Variants in PITRM1 observed in about 807,000 individuals in gnomAD.
PITRM1 encodes the protein presequence protease, mitochondrial.
In PITRM1, 100 loss-of-function variants were observed where a neutral mutation model predicts 129.9. The observed-to-expected ratio is 0.77, with a 90% CI of 0.65 to 0.91. The LOEUF is 0.91. Among genes scored for constraint, PITRM1 ranks in the 40% least tolerant of loss-of-function variants. The pLI is 0.00. For missense variants in PITRM1, 1,471 were observed against 1,318.3 expected (o/e 1.12, Z -1.79); for synonymous variants, 591 against 508.8 (o/e 1.16, Z -2.17).
At chr10:3,144,243 G>T in intron 22 of PITRM1, 49 bp downstream of exon 22, 1 of 1,022,462 alleles carries the variant, frequency 9.8e-7, no homozygotes. Context: ...ACACAGCCAT[G>T]CAGGGAAGCA....
chr10:3,171,846 C>T (rs562118971), intron 1 of PITRM1, among the ~76,000 whole-genome samples: 1 of 152,300 alleles, frequency 6.6e-6, no homozygotes, highest in African/African-American at 2.4e-5. Flanking sequence ...AGAGCAAGAT[C>T]CCTGCTCTTA....
chr10:3,152,945 T>TA (rs1841648242), intron 14 of PITRM1, among the ~76,000 whole-genome samples: 1 of 152,258 alleles, frequency 6.6e-6, no homozygotes, highest in African/African-American at 2.4e-5. Flanking sequence ...GTGGAGGCTT[T>TA]ACCCCTTCAC....
chr10:3,141,690 C>G (rs905293246), intron 23 of PITRM1: 1 of 470,264 alleles, frequency 2.1e-6, no homozygotes, highest in Non-Finnish European at 4.4e-6. Context: ...TGAAGACGCC[C>G]GTGGTGAGAT....
At position 3,170,174 on chromosome 10, in the gene PITRM1, C is replaced by A; in HGVS notation, c.89G>T (p.Ser30Ile). Residue 30 changes from serine to isoleucine, a missense_variant, in exon 2 of 27, where the codon AGT becomes ATT. Ser to Ile is a moderately radical substitution (Grantham distance 142). Transcript: ENST00000224949. ...CAGAGCCCTCTCACAAGCCCGGTTA[C>A]TGTTCCATCGCCACGCTCTGTGGTG... is the stretch of plus-strand genomic sequence containing the variant. ...HAHHRAWRWN[S>I]NRACERALQY... 2 of 1,613,982 alleles carry A rather than the reference C, an allele frequency of 1.2e-6. No homozygotes were observed. Among genetic ancestry groups the A allele is most frequent in the Non-Finnish European group, 1.7e-6 (2 of 1,179,834 alleles).
At chr10:3,145,745 C>T in intron 20 of PITRM1, 29 bp from the exon 21 acceptor site, 4 of 1,493,524 alleles carry the variant, frequency 2.7e-6, no homozygotes, top group East Asian at 2.5e-5. Flanking sequence ...ATACATAAAA[C>T]CACTGTTAGA....
At chr10:3,155,549 G>A (rs1438993968) in intron 14 of PITRM1, 42 bp downstream of exon 14, 7 of 1,610,446 alleles carry the variant, frequency 4.3e-6, no homozygotes, top group Non-Finnish European at 5.9e-6. Flanking sequence ...CTAGGCCCGA[G>A]TGCAGGTTAG....
Position 3,149,716 on chromosome 10 carries a change from G to C in PITRM1, c.1776C>G (p.Thr592=). 3 of 1,612,232 alleles carry C rather than the reference G, an allele frequency of 1.9e-6. No homozygotes were observed. The highest frequency in any genetic ancestry group is 2.5e-6 in the Non-Finnish European group (3 of 1,179,438). ...DIPVQYCAQP[T]NGMVYFRAFS... is the part of the protein sequence containing the mutation. ...AGGCCCGGAAATACACCATGCCATTGGTGGGCTGGGCGCAGTACTGAACAG... is the reference window on the plus strand; with the variant it reads ...AGGCCCGGAAATACACCATGCCATTCGTGGGCTGGGCGCAGTACTGAACAG... The change falls in exon 16 of 27, where the codon ACC becomes ACG. Residue 592 remains threonine (T), a synonymous_variant. Transcript: ENST00000224949.
chr10:3,143,833 T>C (rs1374721709), intron 22 of PITRM1: 1 of 581,206 alleles, frequency 1.7e-6, no homozygotes, highest in Non-Finnish European at 3.3e-6. Context: ...CATATTTATA[T>C]TTCATATCAT....
intron 26 of PITRM1, 46 bp from the exon 27 acceptor site, chr10:3,138,170 AG>A (rs1230309579): frequency 6.4e-7 from 1 of 1,569,984 alleles, no homozygotes; most frequent in Admixed American, 1.7e-5. Flanking sequence ...CTTCTGCGTG[AG>A]CGCTGTTAGA....
At chr10:3,172,496 C>A (rs1843469138) in intron 1 of PITRM1, among the ~76,000 whole-genome samples, 1 of 152,188 alleles carries the variant, frequency 6.6e-6, no homozygotes, top group Non-Finnish European at 1.5e-5. Flanking sequence ...GGCCCCCAGC[C>A]CGGGGCATCG....
chr10:3,164,660 T>G (rs1842717325), intron 6 of PITRM1, among the ~76,000 whole-genome samples: 1 of 152,226 alleles, frequency 6.6e-6, no homozygotes, highest in South Asian at 2.1e-4. Context: ...TGCCTGTGTG[T>G]GTTTATATAA....
intron 7 of PITRM1, among the ~76,000 whole-genome samples, chr10:3,161,098 C>T (rs1425181104): frequency 6.6e-6 from 1 of 151,922 alleles, no homozygotes; most frequent in Non-Finnish European, 1.5e-5. Context: ...TTCTATGTTA[C>T]CCATGCTGGT....
In PITRM1 at chr10:3,160,252, T is replaced by G. The variant is rs754799895; in HGVS notation, c.870A>C (p.Lys290Asn). 6.2e-7 allele frequency: 1 copy of G among 1,613,960 alleles called. No homozygotes were observed. The highest frequency in any genetic ancestry group is 1.1e-5 in the South Asian group (1 of 91,084). ...CTGGCACCACGGTGCTTGGTTCAAT[T>G]TTCTGGAATTTGCTCAGTGCTTCCT... ...IHEEALSKFQ[K>N]IEPSTVVPAQ... Residue 290 changes from lysine to asparagine, a missense_variant, in exon 8 of 27, where the codon AAA becomes AAC. Physicochemically the swap from Lys to Asn is moderately conservative, Grantham distance 94. Transcript: ENST00000224949.
chr10:3,140,856 A>G, intron 23 of PITRM1, 44 bp from the exon 24 acceptor site: 1 of 1,480,890 alleles, frequency 6.8e-7, no homozygotes, highest in East Asian at 2.4e-5. Context: ...GGCTGATAAA[A>G]AAGCATAGAC....
rs766960802 is a variant in PITRM1, at chr10:3,148,023, G to A, written c.2033C>T (p.Pro678Leu). 1.2e-5 allele frequency: 19 copies of A among 1,613,448 alleles called. No individual in the cohort carries two copies. Among genetic ancestry groups the A allele is most frequent in the Non-Finnish European group, 1.4e-5 (17 of 1,179,484 alleles). Reference protein sequence around the residue: ...FSSLCLDRNLPDMMQLWSEIF... With the variant: ...FSSLCLDRNLLDMMQLWSEIF... ...TTCACTCCATAGCTGCATCATGTCTGGCAGGTTTCGATCCAGGCAGAGAGA... is the reference window on the plus strand; with the variant it reads ...TTCACTCCATAGCTGCATCATGTCTAGCAGGTTTCGATCCAGGCAGAGAGA... Residue 678 changes from proline to leucine, a missense_variant, in exon 18 of 27, where the codon CCA becomes CTA. Transcript: ENST00000224949.
rs1324179709 is a variant in PITRM1, at chr10:3,147,155, A to G, written c.2331T>C (p.Asn777=). ...RIKKHLLNGD[N]MRCSVNATPQ... is the part of the protein sequence containing the mutation. Reference sequence around the variant, plus strand: ...GAAACAAATCACACATGCACCTCATATTATCACCATTTAACAAGTGTTTCT... The same window carrying G: ...GAAACAAATCACACATGCACCTCATGTTATCACCATTTAACAAGTGTTTCT... Residue 777 remains asparagine, a synonymous_variant, in exon 20 of 27, where the codon AAT becomes AAC. Coordinates refer to ENST00000224949, the MANE Select transcript of PITRM1 (RefSeq NM_014889.4). 1 of 1,500,256 alleles carries G rather than the reference A, an allele frequency of 6.7e-7. No homozygotes were observed. Among genetic ancestry groups the G allele is most frequent in the African/African-American group, 1.4e-5 (1 of 72,724 alleles). 92.9% of individuals were successfully genotyped at this position (1,500,256 alleles called of 1,614,324 possible).
In PITRM1 at chr10:3,155,651, T is replaced by A; in HGVS notation, c.1561A>T (p.Lys521Ter). 1 of 1,613,938 alleles carries A rather than the reference T, an allele frequency of 6.2e-7. No homozygotes were observed. Among genetic ancestry groups the A allele is most frequent in the Non-Finnish European group, 8.5e-7 (1 of 1,179,882 alleles). The stretch of plus-strand genomic sequence containing the variant: ...AGAGCCTCGACCTTCTGCTTGAGCT[T>A]CGTGGCTTCCACCTGTGCCTGCTTC... ...HEKQAQVEATKLKQKVEALSP... is the reference protein window; with the variant it reads ...HEKQAQVEAT Residue 521 changes from lysine to a stop codon, truncating the protein, a stop_gained, in exon 14 of 27, where the codon AAG (lysine) becomes TAG (stop). Transcript: ENST00000224949. LOFTEE classifies it high-confidence loss of function.
At chr10:3,147,805 GTTGA>G in intron 18 of PITRM1, 68 bp from the exon 19 acceptor site, 1 of 1,422,530 alleles carries the variant, frequency 7.0e-7, no homozygotes, top group Non-Finnish European at 9.5e-7. Flanking sequence ...ATCATGGAAA[GTTGA>G]TTAAGTTTTC....
intron 6 of PITRM1, 28 bp from the exon 7 acceptor site, chr10:3,163,913 A>C: frequency 6.6e-7 from 1 of 1,519,600 alleles, no homozygotes; most frequent in Non-Finnish European, 9.0e-7. Context: ...ATAAATCATA[A>C]GTATACATGT....
Sources: allele counts gnomAD v4.1 joint callset (sites outside exome capture counted in the v4.1 genomes callset), GRCh38; gene constraint gnomAD v4.1.1; transcripts MANE v1.5; gene names NCBI Gene and HGNC (gene_info 2026-07-23, HGNC 2026-07-21).